Variants in SCLY observed in about 807,000 individuals in gnomAD.
SCLY encodes selenocysteine lyase.
Under a neutral mutation model 50.1 loss-of-function variants are expected in SCLY, and 38 were observed. The ratio of observed to expected loss-of-function variants is 0.76; its 90% CI spans 0.59 to 0.99. The LOEUF (loss-of-function observed/expected upper bound fraction) is 0.99. SCLY is among the 50% of genes least tolerant of loss of function. The probability of loss-of-function intolerance (pLI) is 0.00; values close to 1 mark genes in which losing one functional copy is unlikely to be tolerated. For missense variants in SCLY, 600 were observed against 620.0 expected (o/e 0.97, Z 0.34); for synonymous variants, 243 against 249.4 (o/e 0.97, Z 0.24).
chr2:238,064,357 G>A lies in SCLY; in HGVS notation c.90G>A (p.Arg30=). 2 of 1,581,906 alleles carry A rather than the reference G, an allele frequency of 1.3e-6. No individual in the cohort carries two copies. The highest frequency in any genetic ancestry group is 1.7e-6 in the Non-Finnish European group (2 of 1,164,556). Residue 30 remains arginine, a splice_region_variant and synonymous_variant, in exon 2 of 12, where the codon AGG becomes AGA. Coordinates refer to ENST00000254663, the MANE Select transcript of SCLY (RefSeq NM_016510.7). ...GGTGTCTTTGCTTTCTTTCCTTCAG[G>A]AAAGTTTATATGGACTATAATGCAA... ...SGCGKHNSPE[R]KVYMDYNATT...
intron 4 of SCLY, among the ~76,000 whole-genome samples, chr2:238,074,528 G>C (rs2065154784): frequency 6.6e-6 from 1 of 152,132 alleles, no homozygotes; most frequent in Admixed American, 6.5e-5. Flanking sequence ...TTGTTGTCCA[G>C]GCTGGAGTGC....
intron 4 of SCLY, chr2:238,081,487 A>G: frequency 1.9e-6 from 1 of 537,102 alleles, no homozygotes. Flanking sequence ...CACGACACAG[A>G]TTCACTGACT....
chr2:238,081,355 C>A (rs2065234657), intron 4 of SCLY: 1 of 201,810 alleles, frequency 5.0e-6, no homozygotes, highest in East Asian at 1.2e-4. Context: ...TCAGCACTGG[C>A]TCGGTGCCAA....
chr2:238,078,155 T>C (rs1274017629), intron 4 of SCLY, among the ~76,000 whole-genome samples: 7 of 152,168 alleles, frequency 4.6e-5, no homozygotes, highest in Non-Finnish European at 8.8e-5. Context: ...GGTTTCACCA[T>C]GTTGGCCAGG....
intron 8 of SCLY, chr2:238,092,497 C>T (rs892838396): frequency 6.6e-6 from 1 of 152,298 alleles, no homozygotes; most frequent in African/African-American, 2.4e-5. Flanking sequence ...TGGCTTGAAG[C>T]TTCACTCACC....
chr2:238,095,586 T>A (rs1355993106), intron 10 of SCLY: 4 of 152,124 alleles, frequency 2.6e-5, no homozygotes, highest in African/African-American at 9.7e-5. Context: ...CTGAAATGCG[T>A]TCTTGTGGGC....
chr2:238,084,739 G>A (rs536335142), intron 7 of SCLY, among the ~76,000 whole-genome samples: 19 of 146,118 alleles, frequency 1.3e-4, no homozygotes, highest in African/African-American at 3.3e-4. Flanking sequence ...CTAAAAGTAC[G>A]AAAAATTAGC....
intron 2 of SCLY, among the ~76,000 whole-genome samples, chr2:238,065,660 T>TATTATTATTATTATTA (rs1553564087): frequency 1.4e-5 from 2 of 143,514 alleles, no homozygotes; most frequent in African/African-American, 5.2e-5. Context: ...AATATTTTAT[T>TATTATTATTATTATTA]TTATTATTAT....
rs1427881065 is a variant in SCLY at position 238,081,711 on chromosome 2, G to A, written c.487G>A (p.Val163Ile). The change falls in exon 5 of 12, where the codon GTC becomes ATC. Residue 163 changes from valine (V) to isoleucine (I), a missense_variant and splice_region_variant. Val to Ile is a conservative substitution (Grantham distance 29, BLOSUM62 3). Coordinates refer to ENST00000254663, the MANE Select transcript of SCLY (RefSeq NM_016510.7). The stretch of plus-strand genomic sequence containing the variant: ...CGGTACTCATGTTTGTTTCCCAGCG[G>A]TCACCTTTGTCCCGGTGTCCAAGGT... Reference protein sequence around the residue: ...EHLVEEQVAAVTFVPVSKVSG... With the variant: ...EHLVEEQVAAITFVPVSKVSG... 3 of 1,613,258 alleles carry A rather than the reference G, an allele frequency of 1.9e-6. No individual in the cohort carries two copies. The highest frequency in any genetic ancestry group is 2.5e-6 in the Non-Finnish European group (3 of 1,179,230).
At chr2:238,082,310 C>A in intron 6 of SCLY, 101 bp downstream of exon 6, 1 of 1,241,146 alleles carries the variant, frequency 8.1e-7, no homozygotes. Flanking sequence ...GTGAGCCAGG[C>A]CTTGGGGGCA....
intron 7 of SCLY, among the ~76,000 whole-genome samples, chr2:238,086,389 G>T (rs955274614): frequency 1.3e-5 from 2 of 152,174 alleles, no homozygotes; most frequent in Non-Finnish European, 2.9e-5. Context: ...TAGGAGATGA[G>T]GTCTGTGCTT....
At position 238,099,118 on chromosome 2, in the gene SCLY, A is replaced by G; in HGVS notation, c.*763A>G. On this transcript the variant is annotated 3_prime_UTR_variant, in exon 12 of 12. Coordinates refer to ENST00000254663, the MANE Select transcript of SCLY (RefSeq NM_016510.7). Reference sequence around the variant, plus strand: ...TCCTGTCTTGTCCCTTTTGATCATTATTAACTCAGGGTTTCAGCTCCAACC... The same window carrying G: ...TCCTGTCTTGTCCCTTTTGATCATTGTTAACTCAGGGTTTCAGCTCCAACC... 3.7e-6 allele frequency: 1 copy of G among 269,144 alleles called. No homozygotes were observed. The highest frequency in any genetic ancestry group is 7.4e-6 in the Non-Finnish European group (1 of 135,610). 16.7% of individuals were successfully genotyped at this position (269,144 alleles called of 1,614,324 possible). A position where few individuals can be genotyped will look rare whatever the true frequency, so the allele number is the denominator to read the frequency against.
At chr2:238,068,024 G>T (rs2065088670) in intron 2 of SCLY, 41 bp from the exon 3 acceptor site, 9 of 1,437,840 alleles carry the variant, frequency 6.3e-6, no homozygotes, top group African/African-American at 1.4e-5. Flanking sequence ...GATTGAGCTT[G>T]GTGAAGCAAT....
At chr2:238,093,118 A>G (rs1256211694) in intron 8 of SCLY, 18 of 152,720 alleles carry the variant, frequency 1.2e-4, no homozygotes, top group Admixed American at 9.2e-4. Context: ...CCTGCCTCCA[A>G]TGCAGCACCT....
Position 238,098,463 on chromosome 2 carries a change from CCCTCTGCATTTTGT to C in SCLY, c.*112_*125del. Reference sequence around the variant, plus strand: ...TGTGCCAGGATGACTGTCTCATGCCCCCTCTGCATTTTGTCCTGGAGTGCCAGCGAGTGTGCACC... The same window carrying C: ...TGTGCCAGGATGACTGTCTCATGCCCCCTGGAGTGCCAGCGAGTGTGCACC... On this transcript the variant is annotated 3_prime_UTR_variant, in exon 12 of 12. Coordinates refer to ENST00000254663, the MANE Select transcript of SCLY (RefSeq NM_016510.7). 2 of 1,274,668 alleles carry C rather than the reference CCCTCTGCATTTTGT, an allele frequency of 1.6e-6. No individual in the cohort carries two copies. Among genetic ancestry groups the C allele is most frequent in the Non-Finnish European group, 2.1e-6 (2 of 946,544 alleles). 79.0% of individuals were successfully genotyped at this position (1,274,668 alleles called of 1,614,324 possible).
chr2:238,081,944 CACTT>C, intron 5 of SCLY, 97 bp from the exon 6 acceptor site: 2 of 1,574,472 alleles, frequency 1.3e-6, no homozygotes, highest in Non-Finnish European at 1.7e-6. Context: ...TTTCTCTGTT[CACTT>C]TGATAACATT....
chr2:238,080,466 C>G (rs2065224127), intron 4 of SCLY: 1 of 152,230 alleles, frequency 6.6e-6, no homozygotes, highest in Admixed American at 6.5e-5. Context: ...ATGCGTTTCC[C>G]CAGGAGGTGT....
intron 1 of SCLY, among the ~76,000 whole-genome samples, chr2:238,062,281 AAAAC>A (rs918627285): frequency 3.7e-4 from 57 of 152,230 alleles, no homozygotes; most frequent in Non-Finnish European, 6.5e-4. Flanking sequence ...ATAGGAAAGA[AAAAC>A]AGATATAAGG....
At chr2:238,093,397 G>A (rs1005062831) in intron 8 of SCLY, 9 of 186,702 alleles carry the variant, frequency 4.8e-5, no homozygotes, top group Admixed American at 1.6e-4. Flanking sequence ...CTCTCCACCC[G>A]CCACGCCAGG....
Sources: allele counts gnomAD v4.1 joint callset (sites outside exome capture counted in the v4.1 genomes callset), GRCh38; gene constraint gnomAD v4.1.1; transcripts MANE v1.5; gene names NCBI Gene and HGNC (gene_info 2026-07-23, HGNC 2026-07-21).